ASIC2: variants seen among roughly 807,000 people sequenced by gnomAD.
ASIC2 encodes acid-sensing ion channel 2.
In ASIC2, 25 loss-of-function variants were observed where a neutral mutation model predicts 57.3. The observed-to-expected ratio is 0.44, with a 90% CI of 0.32 to 0.61. The LOEUF (loss-of-function observed/expected upper bound fraction) is 0.61. Among genes scored for constraint, ASIC2 ranks in the 20% least tolerant of loss-of-function variants. The probability of loss-of-function intolerance (pLI) is 0.06; values close to 1 mark genes in which losing one functional copy is unlikely to be tolerated. For synonymous variants in ASIC2, 319 were observed against 307.5 expected, an observed-to-expected ratio of 1.04 and a Z score of -0.39; for missense variants, 641 against 738.1, an observed-to-expected ratio of 0.87 and a Z score of 1.52.
intron 1 of ASIC2, among the ~76,000 whole-genome samples, chr17:33,767,444 C>T (rs1910967368): frequency 6.6e-6 from 1 of 152,166 alleles, no homozygotes; most frequent in African/African-American, 2.4e-5. Context: ...GAAAAAGCTT[C>T]AAAAGTTAAA....
At chr17:33,627,091 T>C (rs1234977808) in intron 1 of ASIC2, 3 of 152,240 alleles carry the variant, frequency 2.0e-5, no homozygotes, top group Non-Finnish European at 4.4e-5. Flanking sequence ...TGAGCAAGAC[T>C]GTTCTCACAC....
intron 1 of ASIC2, among the ~76,000 whole-genome samples, chr17:33,507,685 C>T (rs1334661877): frequency 1.3e-5 from 2 of 152,022 alleles, no homozygotes; most frequent in Non-Finnish European, 2.9e-5. Flanking sequence ...AGGTGGAGCA[C>T]AAGGTCAGGA....
At chr17:34,002,950 A>T (rs1332857422) in intron 1 of ASIC2, 2 of 152,216 alleles carry the variant, frequency 1.3e-5, no homozygotes, top group Non-Finnish European at 2.9e-5. Flanking sequence ...TGACTCAATA[A>T]ACACCGCTGA....
chr17:33,464,647 C>T (rs1912794959), intron 1 of ASIC2, among the ~76,000 whole-genome samples: 3 of 128,406 alleles, frequency 2.3e-5, no homozygotes, highest in Admixed American at 8.5e-5. Flanking sequence ...TTTATTTCTT[C>T]CTTTCTTCCT....
rs375560289 is a variant in ASIC2, at chr17:33,206,517, G to A, written c.708+84891C>T. Among the ~76,000 whole-genome samples, 4 of 152,298 alleles carry A rather than the reference G, an allele frequency of 2.6e-5. No individual in the cohort carries two copies. The South Asian group carries it at 6.2e-4, about 24-fold the overall frequency. On this transcript the variant is annotated intron_variant, in intron 1 of 9. Coordinates refer to ENST00000225823, the MANE Select transcript of ASIC2 (RefSeq NM_183377.2). ...AAGCCCAAAGCCATGCCCAAGAAGG[G>A]ATTTCTTACTGATGAATTATGAGTA...
At chr17:33,078,723 C>A (rs1251177302) in intron 3 of ASIC2, among the ~76,000 whole-genome samples, 1 of 152,204 alleles carries the variant, frequency 6.6e-6, no homozygotes, top group African/African-American at 2.4e-5. Context: ...CCACCACACC[C>A]AGCCAGCTAT....
At chr17:33,151,703 C>G (rs574811805) in intron 1 of ASIC2, among the ~76,000 whole-genome samples, 1 of 152,282 alleles carries the variant, frequency 6.6e-6, no homozygotes, top group East Asian at 1.9e-4. Flanking sequence ...TTCCCTGCTC[C>G]CTCTCATGTG....
chr17:33,683,647 T>C (rs2142059127), intron 1 of ASIC2, among the ~76,000 whole-genome samples: 1 of 152,252 alleles, frequency 6.6e-6, no homozygotes, highest in East Asian at 1.9e-4. Flanking sequence ...GCTCAAATGA[T>C]CCTCCTGCCT....
chr17:33,578,992 A>G (rs1916753208), intron 1 of ASIC2, among the ~76,000 whole-genome samples: 1 of 152,116 alleles, frequency 6.6e-6, no homozygotes, highest in Admixed American at 6.6e-5. Context: ...CGGTTATAGA[A>G]TGCAGGTTAA....
At chr17:33,891,367 T>C (rs566089310) in intron 1 of ASIC2, among the ~76,000 whole-genome samples, 1 of 152,282 alleles carries the variant, frequency 6.6e-6, no homozygotes, top group South Asian at 2.1e-4. Flanking sequence ...CAAGCTTAGA[T>C]AGCATGGTCT....
chr17:33,151,933 T>A (rs1015802989), intron 1 of ASIC2, among the ~76,000 whole-genome samples: 1 of 152,236 alleles, frequency 6.6e-6, no homozygotes, highest in East Asian at 1.9e-4. Context: ...AAGCCCAAGA[T>A]GTAAGTAAAG....
chr17:33,665,327 G>A (rs1343485283), intron 1 of ASIC2, among the ~76,000 whole-genome samples: 2 of 152,042 alleles, frequency 1.3e-5, no homozygotes, highest in African/African-American at 2.4e-5. Context: ...TGGGGGTGTC[G>A]AATTCCAATT....
chr17:33,280,489 T>A (rs1398532537), intron 1 of ASIC2, among the ~76,000 whole-genome samples: 1 of 152,170 alleles, frequency 6.6e-6, no homozygotes, highest in South Asian at 2.1e-4. Flanking sequence ...CTGGGAAAGT[T>A]CAGACAAGAA....
chr17:33,899,786 G>A (rs1046343278), intron 1 of ASIC2, among the ~76,000 whole-genome samples: 1 of 152,142 alleles, frequency 6.6e-6, no homozygotes, highest in Non-Finnish European at 1.5e-5. Context: ...TTGTAGATAA[G>A]GTTGTATCTT....
At chr17:33,307,481 TG>T (rs1260412101) in intron 1 of ASIC2, among the ~76,000 whole-genome samples, 3 of 152,146 alleles carry the variant, frequency 2.0e-5, no homozygotes, top group Non-Finnish European at 2.9e-5. Flanking sequence ...GGCTAATTTT[TG>T]TATTTTTAGT....
At chr17:33,785,579 T>C (rs985663254) in intron 1 of ASIC2, among the ~76,000 whole-genome samples, 2 of 152,198 alleles carry the variant, frequency 1.3e-5, no homozygotes, top group African/African-American at 4.8e-5. Flanking sequence ...AATGCCTATA[T>C]TTTTCATCCA....
chr17:34,088,823 C>A (rs912261085), intron 1 of ASIC2, among the ~76,000 whole-genome samples: 2 of 152,204 alleles, frequency 1.3e-5, no homozygotes, highest in African/African-American at 4.8e-5. Flanking sequence ...ACTCCGTGGG[C>A]GTAGGACCCT....
intron 1 of ASIC2, among the ~76,000 whole-genome samples, chr17:33,337,605 G>A (rs1907564690): frequency 6.6e-6 from 1 of 152,206 alleles, no homozygotes; most frequent in Non-Finnish European, 1.5e-5. Flanking sequence ...ACATTCATTA[G>A]GTGTTTGCTC....
intron 1 of ASIC2, among the ~76,000 whole-genome samples, chr17:33,609,326 C>T (rs1236418346): frequency 6.6e-6 from 1 of 152,224 alleles, no homozygotes. Flanking sequence ...CCTGCTCCCG[C>T]TCCACTCCTG....
Sources: gnomAD v4.1 joint callset for allele counts (sites outside exome capture counted in the v4.1 genomes callset) on GRCh38, gnomAD v4.1.1 for gene constraint, MANE v1.5 for transcripts, NCBI Gene and HGNC (gene_info 2026-07-23, HGNC 2026-07-21) for gene names.